SFXN2: variants seen among roughly 807,000 people sequenced by gnomAD.
SFXN2 encodes the protein sideroflexin-2.
Under a neutral mutation model 41.9 loss-of-function variants are expected in SFXN2, and 37 were observed. That is an observed-to-expected ratio of 0.88 (90% CI 0.68 to 1.16). The LOEUF (loss-of-function observed/expected upper bound fraction) is 1.16, where lower values mean the gene tolerates loss of function less well. SFXN2 is among the 50% of genes most tolerant of loss of function. The probability of loss-of-function intolerance (pLI) is 0.00; values close to 1 mark genes in which losing one functional copy is unlikely to be tolerated. For missense variants in SFXN2, 386 were observed against 425.2 expected, an observed-to-expected ratio of 0.91 and a Z score of 0.81; for synonymous variants, 150 against 156.7, an observed-to-expected ratio of 0.96 and a Z score of 0.32.
At chr10:102,716,977 T>C (rs145730647) in intron 1 of SFXN2, among the ~76,000 whole-genome samples, 4 of 152,294 alleles carry the variant, frequency 2.6e-5, no homozygotes, top group Non-Finnish European at 5.9e-5. Flanking sequence ...TGTTTATATC[T>C]GCTGCAAGCG....
chr10:102,729,941 C>T (rs1160274620), intron 6 of SFXN2, 133 bp downstream of exon 6: 3 of 965,446 alleles, frequency 3.1e-6, no homozygotes, highest in Non-Finnish European at 3.1e-6. Context: ...CTCTGAAGGG[C>T]CCTGGGATTG....
At position 102,716,824 on chromosome 10, in the gene SFXN2, C is replaced by T. The variant is rs188158412; in HGVS notation, c.-26+2143C>T. On this transcript the variant is annotated intron_variant, in intron 1 of 11. Transcript: ENST00000369893. ...CCTCAGGTGATCTCTCTGCTTTGGG[C>T]TCTCAAAGTGTTGGGATTACAGGTG... 5 of 152,256 alleles carry T rather than the reference C, an allele frequency of 3.3e-5. No individual in the cohort carries two copies. In the East Asian group the frequency reaches 9.7e-4, roughly 30 times the overall value. 9.4% of individuals were successfully genotyped at this position (152,256 alleles called of 1,614,324 possible).
intron 10 of SFXN2, 62 bp from the exon 11 acceptor site, chr10:102,735,800 T>TG: frequency 3.2e-6 from 5 of 1,556,262 alleles, no homozygotes; most frequent in Middle Eastern, 1.7e-4. Flanking sequence ...CCCTTGGGGA[T>TG]GGGGGATGGA....
At chr10:102,723,333 C>A (rs1490154694) in intron 1 of SFXN2, among the ~76,000 whole-genome samples, 1 of 151,694 alleles carries the variant, frequency 6.6e-6, no homozygotes, top group East Asian at 1.9e-4. Context: ...CTCACTGCAA[C>A]CTCTGCTGCC....
chr10:102,726,778 G>T lies in SFXN2; in HGVS notation c.142G>T (p.Val48Leu), dbSNP rs1200624726. Residue 48 changes from valine (V) to leucine (L), a missense_variant, in exon 2 of 12, where the codon GTG becomes TTG. Transcript: ENST00000369893. The stretch of plus-strand genomic sequence containing the variant: ...TGAGCGGGAGCTGGACTGGGCCAAG[G>T]TGATGGTGGAGAAGAGCAGGTGAGG... ...VSERELDWAKVMVEKSRMGVV... is the reference protein window; with the variant it reads ...VSERELDWAKLMVEKSRMGVV... 6.2e-7 allele frequency: 1 copy of T among 1,614,086 alleles called. No individual in the cohort carries two copies. The highest frequency in any genetic ancestry group is 1.3e-5 in the African/African-American group (1 of 74,938).
At chr10:102,731,854 C>T (rs1039771649) in intron 7 of SFXN2, 71 bp downstream of exon 7, 1 of 1,375,492 alleles carries the variant, frequency 7.3e-7, no homozygotes, top group Admixed American at 1.8e-5. Flanking sequence ...CCTTAGTGGT[C>T]AGAGTAGGCA....
At chr10:102,733,494 G>A (rs376489413) in intron 9 of SFXN2, 60 bp from the exon 10 acceptor site, 13 of 1,395,314 alleles carry the variant, frequency 9.3e-6, no homozygotes, top group African/African-American at 1.4e-5. Flanking sequence ...AGCAGGGTTG[G>A]GGTTCACCTT....
chr10:102,726,584 A>ACAGT, intron 1 of SFXN2, 28 bp from the exon 2 acceptor site: 1 of 1,604,110 alleles, frequency 6.2e-7, no homozygotes, highest in Middle Eastern at 1.7e-4. Flanking sequence ...GATTTAGGGG[A>ACAGT]CAGTCATCTT....
intron 6 of SFXN2, among the ~76,000 whole-genome samples, chr10:102,731,170 G>GGCAGGAGAATCGCTTGAAC (rs1051148988): frequency 9.2e-5 from 14 of 151,486 alleles, no homozygotes; most frequent in Non-Finnish European, 1.6e-4. Context: ...GGGAGGTTGA[G>GGCAGGAGAATCGCTTGAAC]GCAGGAGAAT....
intron 1 of SFXN2, among the ~76,000 whole-genome samples, chr10:102,720,332 G>A (rs1223737637): frequency 4.7e-5 from 7 of 150,534 alleles, no homozygotes; most frequent in African/African-American, 1.7e-4. Context: ...TGGCAGGACC[G>A]GGGCTGGTAG....
At chr10:102,717,224 C>G (rs569810215) in intron 1 of SFXN2, among the ~76,000 whole-genome samples, 2 of 150,670 alleles carry the variant, frequency 1.3e-5, no homozygotes, top group Non-Finnish European at 3.0e-5. Context: ...CTCCGCCTCC[C>G]GGGTTCAAGC....
chr10:102,729,008 G>C (rs989738486), intron 4 of SFXN2, among the ~76,000 whole-genome samples: 2 of 152,116 alleles, frequency 1.3e-5, no homozygotes, highest in Non-Finnish European at 2.9e-5. Context: ...CTGTGAAGAC[G>C]ACATTTCAAC....
intron 11 of SFXN2, among the ~76,000 whole-genome samples, chr10:102,737,392 A>G (rs2064796095): frequency 6.6e-6 from 1 of 152,090 alleles, no homozygotes; most frequent in South Asian, 2.1e-4. Context: ...CTAGTTCAAT[A>G]CTACTTCCAT....
At chr10:102,720,902 G>A (rs12783444) in intron 1 of SFXN2, among the ~76,000 whole-genome samples, 45,420 of 152,012 alleles carry the variant, frequency 0.3, 7,114 homozygotes, top group Non-Finnish European at 0.33. Flanking sequence ...GTGCTGCTGT[G>A]AGGGGATTTT....
chr10:102,736,811 A>G (rs1484034840), intron 11 of SFXN2, among the ~76,000 whole-genome samples: 1 of 151,188 alleles, frequency 6.6e-6, no homozygotes, highest in African/African-American at 2.4e-5. Flanking sequence ...TCAGCCTCCC[A>G]AAGTATTGGG....
intron 11 of SFXN2, among the ~76,000 whole-genome samples, chr10:102,737,364 C>T (rs1470773042): frequency 1.3e-5 from 2 of 152,088 alleles, no homozygotes; most frequent in Non-Finnish European, 2.9e-5. Flanking sequence ...CAATTCCAGT[C>T]TCCCCTTCCT....
At chr10:102,726,036 G>A (rs1421782821) in intron 1 of SFXN2, among the ~76,000 whole-genome samples, 1 of 152,064 alleles carries the variant, frequency 6.6e-6, no homozygotes, top group African/African-American at 2.4e-5. Flanking sequence ...TGCAACCTCT[G>A]CCTCCTGGGT....
chr10:102,735,676 T>G (rs2064766835), intron 10 of SFXN2, among the ~76,000 whole-genome samples, 186 bp from the exon 11 acceptor site: 1 of 152,126 alleles, frequency 6.6e-6, no homozygotes, highest in African/African-American at 2.4e-5. Flanking sequence ...GGTACTGGTT[T>G]TATCCCCCTG....
At chr10:102,731,141 C>T (rs1163000516) in intron 6 of SFXN2, among the ~76,000 whole-genome samples, 1 of 151,188 alleles carries the variant, frequency 6.6e-6, no homozygotes, top group Non-Finnish European at 1.5e-5. Flanking sequence ...GTGGCGCATG[C>T]CTGTAATTCT....
Sources: allele counts gnomAD v4.1 joint callset (sites outside exome capture counted in the v4.1 genomes callset), GRCh38; gene constraint gnomAD v4.1.1; transcripts MANE v1.5; gene names NCBI Gene and HGNC (gene_info 2026-07-23, HGNC 2026-07-21).